CDH13: variants seen among roughly 807,000 people sequenced by gnomAD.
The protein encoded by CDH13 is cadherin-13.
Under a neutral mutation model 63.8 loss-of-function variants are expected in CDH13, and 24 were observed. The observed-to-expected ratio is 0.38, with a 90% confidence interval of 0.27 to 0.53. CDH13 has a LOEUF of 0.53. CDH13 is among the 20% of genes least tolerant of loss of function. The probability of loss-of-function intolerance (pLI) is 0.85; values close to 1 mark genes in which losing one functional copy is unlikely to be tolerated. For synonymous variants in CDH13, 503 were observed against 355.3 expected (o/e 1.42, Z -4.67); for missense variants, 1,049 against 903.1 (o/e 1.16, Z -2.07).
At chr16:82,709,184 A>C (rs1319280211) in intron 1 of CDH13, among the ~76,000 whole-genome samples, 1 of 152,224 alleles carries the variant, frequency 6.6e-6, no homozygotes, top group African/African-American at 2.4e-5. Flanking sequence ...CGCCCTTAGC[A>C]GTTCTCAAAA....
intron 5 of CDH13, among the ~76,000 whole-genome samples, chr16:83,304,990 T>C (rs1300206092): frequency 6.6e-6 from 1 of 152,236 alleles, no homozygotes; most frequent in Non-Finnish European, 1.5e-5. Context: ...TCCAAGTATG[T>C]GTAATTGCAA....
At chr16:83,125,537 T>C (rs2035771402) in intron 4 of CDH13, 36 bp downstream of exon 4, 2 of 1,168,780 alleles carry the variant, frequency 1.7e-6, no homozygotes, top group Non-Finnish European at 2.6e-6. Flanking sequence ...AAAAACATGT[T>C]TTTATGAAAA....
intron 3 of CDH13, among the ~76,000 whole-genome samples, chr16:83,081,579 T>C (rs2151563743): frequency 6.6e-6 from 1 of 152,276 alleles, no homozygotes; most frequent in East Asian, 1.9e-4. Flanking sequence ...TTCTCCCAGT[T>C]CTGGAGACCA....
Position 83,486,141 on chromosome 16 carries a change from TA to T in CDH13, c.782-329del, listed in dbSNP as rs138896605. 2.3e-4 allele frequency among the ~76,000 whole-genome samples: 35 copies of T among 150,824 alleles called. No homozygotes were observed. In the South Asian group the frequency reaches 7.2e-3, roughly 31 times the overall value. On this transcript the variant is annotated intron_variant, in intron 6 of 13. Coordinates refer to ENST00000567109, the MANE Select transcript of CDH13 (RefSeq NM_001257.5). ...TTGGGTGACAGAGCGAGACTCTGTCTAAAAAAATGAATGTCCCTGTCACAAA... is the reference window on the plus strand; with the variant it reads ...TTGGGTGACAGAGCGAGACTCTGTCTAAAAAATGAATGTCCCTGTCACAAA...
intron 4 of CDH13, among the ~76,000 whole-genome samples, chr16:83,153,920 G>A (rs2037097257): frequency 6.6e-6 from 1 of 152,184 alleles, no homozygotes; most frequent in Non-Finnish European, 1.5e-5. Flanking sequence ...ATGGGCAGGA[G>A]TAGGGAAGAA....
At chr16:83,699,345 C>A (rs1905865886) in intron 10 of CDH13, among the ~76,000 whole-genome samples, 1 of 152,148 alleles carries the variant, frequency 6.6e-6, no homozygotes, top group Non-Finnish European at 1.5e-5. Flanking sequence ...GAGCAGCATC[C>A]AGATGTCAGC....
chr16:83,478,159 CA>C (rs1215717989), intron 6 of CDH13, among the ~76,000 whole-genome samples: 74 of 134,282 alleles, frequency 5.5e-4, no homozygotes, highest in Middle Eastern at 3.8e-3. Context: ...GACTCCGTCT[CA>C]AAAAAAAAAA....
At chr16:83,359,504 C>T (rs1332687556) in intron 6 of CDH13, among the ~76,000 whole-genome samples, 1 of 152,092 alleles carries the variant, frequency 6.6e-6, no homozygotes, top group Non-Finnish European at 1.5e-5. Context: ...ACTCTAGAGA[C>T]CCATGGAGCT....
At chr16:83,653,637 CAG>C (rs1208143268) in intron 8 of CDH13, among the ~76,000 whole-genome samples, 1 of 152,132 alleles carries the variant, frequency 6.6e-6, no homozygotes, top group Non-Finnish European at 1.5e-5. Context: ...TGACAGGAAA[CAG>C]AACCCAGGAG....
chr16:83,702,776 C>G (rs908328971), intron 10 of CDH13, among the ~76,000 whole-genome samples: 4 of 152,144 alleles, frequency 2.6e-5, no homozygotes, highest in Non-Finnish European at 5.9e-5. Flanking sequence ...AGGGGCTTTC[C>G]AAGCACAGAT....
At chr16:83,084,790 A>T (rs2033477183) in intron 3 of CDH13, among the ~76,000 whole-genome samples, 1 of 152,206 alleles carries the variant, frequency 6.6e-6, no homozygotes, top group Non-Finnish European at 1.5e-5. Flanking sequence ...CAGGAGGCTG[A>T]GGCAGGAGAA....
At chr16:83,665,636 T>C (rs778936182) in intron 8 of CDH13, among the ~76,000 whole-genome samples, 1 of 152,180 alleles carries the variant, frequency 6.6e-6, no homozygotes, top group African/African-American at 2.4e-5. Context: ...TCCATATTAG[T>C]TCTCTGTGAA....
intron 3 of CDH13, among the ~76,000 whole-genome samples, chr16:83,058,047 G>C (rs997131828): frequency 6.6e-6 from 1 of 152,140 alleles, no homozygotes; most frequent in East Asian, 1.9e-4. Context: ...TCAAAAGTAA[G>C]AATATTTACT....
rs1480079817 is a variant in CDH13, at chr16:83,076,886, C to G, written c.366+44668C>G. On this transcript the variant is annotated intron_variant, in intron 3 of 13. Coordinates refer to ENST00000567109, the MANE Select transcript of CDH13 (RefSeq NM_001257.5). ...TATTACTTTGGTGCAAAAGTAATTG[C>G]TGTTTTTGACATTAAAAGTAATGGC... 3.3e-5 allele frequency among the ~76,000 whole-genome samples: 5 copies of G among 152,154 alleles called. No individual in the cohort carries two copies. In the South Asian group the frequency reaches 8.3e-4, roughly 25 times the overall value.
At chr16:82,704,269 C>G (rs1049473509) in intron 1 of CDH13, among the ~76,000 whole-genome samples, 8 of 152,176 alleles carry the variant, frequency 5.3e-5, no homozygotes, top group African/African-American at 1.9e-4. Context: ...GGGCATCTGT[C>G]TTGCTGAATT....
At chr16:83,522,559 G>T (rs2074866083) in intron 7 of CDH13, among the ~76,000 whole-genome samples, 1 of 152,162 alleles carries the variant, frequency 6.6e-6, no homozygotes, top group Admixed American at 6.5e-5. Flanking sequence ...AACAAAAATG[G>T]TCTGTGGCCA....
intron 2 of CDH13, among the ~76,000 whole-genome samples, chr16:82,926,922 C>A (rs2042322027): frequency 6.6e-6 from 1 of 152,104 alleles, no homozygotes; most frequent in Admixed American, 6.6e-5. Flanking sequence ...AAAGCAATAA[C>A]AATCATTTGT....
At chr16:83,447,096 CTTTTTTTTT>C (rs750432481) in intron 6 of CDH13, among the ~76,000 whole-genome samples, 45 of 41,518 alleles carry the variant, frequency 1.1e-3, no homozygotes, top group African/African-American at 3.4e-3. Flanking sequence ...TTATAGTAAC[CTTTTTTTTT>C]TTTTTTTTTT....
At chr16:83,443,817 C>G (rs1310882517) in intron 6 of CDH13, among the ~76,000 whole-genome samples, 1 of 142,444 alleles carries the variant, frequency 7.0e-6, no homozygotes, top group Admixed American at 6.9e-5. Context: ...TGCCTGTAGT[C>G]CCAGCTACTC....
Sources: gnomAD v4.1 joint callset for allele counts (sites outside exome capture counted in the v4.1 genomes callset) on GRCh38, gnomAD v4.1.1 for gene constraint, MANE v1.5 for transcripts, NCBI Gene and HGNC (gene_info 2026-07-23, HGNC 2026-07-21) for gene names.